CIB4: variants seen among roughly 807,000 people sequenced by gnomAD.
The protein encoded by CIB4 is calcium and integrin binding family member 4.
CIB4 carries 25 observed loss-of-function variants against 25.8 expected under a neutral mutation model. The observed-to-expected ratio is 0.97, with a 90% CI of 0.71 to 1.35. The LOEUF (loss-of-function observed/expected upper bound fraction) is 1.35, where lower values mean the gene tolerates loss of function less well. CIB4 is among the 40% of genes most tolerant of loss of function. CIB4 has a pLI of 0.00. For missense variants in CIB4, 235 were observed against 228.2 expected (o/e 1.03, Z -0.19); for synonymous variants, 75 against 81.4 (o/e 0.92, Z 0.42).
intron 3 of CIB4, among the ~76,000 whole-genome samples, chr2:26,614,836 G>A (rs1669061009): frequency 2.0e-5 from 3 of 152,212 alleles, no homozygotes; most frequent in African/African-American, 7.2e-5. Context: ...TCCGGGAAGT[G>A]GAGCAACTTG....
intron 3 of CIB4, among the ~76,000 whole-genome samples, chr2:26,619,303 G>C (rs1041423844): frequency 5.1e-4 from 77 of 152,194 alleles, no homozygotes; most frequent in African/African-American, 1.8e-3. Flanking sequence ...TCCCAGCGTG[G>C]AGACCGGAAG....
intron 3 of CIB4, among the ~76,000 whole-genome samples, chr2:26,602,257 T>A (rs950014489): frequency 1.3e-5 from 2 of 152,156 alleles, no homozygotes. Flanking sequence ...CCAAGTAACT[T>A]TGAAAGGTGG....
At chr2:26,596,246 G>C (rs140816657) in intron 3 of CIB4, among the ~76,000 whole-genome samples, 225 of 152,290 alleles carry the variant, frequency 1.5e-3, no homozygotes, top group African/African-American at 4.1e-3. Flanking sequence ...CATTGCTGGG[G>C]AAAAGTGAAG....
At chr2:26,633,709 C>G (rs1001069671) in intron 2 of CIB4, among the ~76,000 whole-genome samples, 2 of 152,208 alleles carry the variant, frequency 1.3e-5, no homozygotes, top group African/African-American at 4.8e-5. Context: ...AAGTCAAAGC[C>G]ATTTGAAAAA....
rs61226682 is a variant in CIB4 at position 26,620,628 on chromosome 2, A to G, written c.186+8782T>C. ...CTCTCCATTTTTCTAGAGAATCCTC[A>G]AAATGACCCCTCAGATCGCCCTTCA... On this transcript the variant is annotated intron_variant, in intron 3 of 6. Transcript: ENST00000288861. Among the ~76,000 whole-genome samples, 1,426 of 152,316 alleles carry G rather than the reference A, an allele frequency of 9.4e-3. 19 individuals carry two copies. Among genetic ancestry groups the G allele is most frequent in the African/African-American group, 0.033 (1,366 of 41,566 alleles).
chr2:26,587,470 C>T (rs1478655279), intron 4 of CIB4, among the ~76,000 whole-genome samples: 1 of 152,126 alleles, frequency 6.6e-6, no homozygotes, highest in Non-Finnish European at 1.5e-5. Flanking sequence ...AATCCTAATT[C>T]ATTATCTGAG....
intron 3 of CIB4, among the ~76,000 whole-genome samples, chr2:26,611,343 G>T (rs571596291): frequency 1.1e-4 from 16 of 152,348 alleles, no homozygotes; most frequent in African/African-American, 2.6e-4. Context: ...ATAACACAGG[G>T]TAGAGCTGCC....
intron 2 of CIB4, among the ~76,000 whole-genome samples, chr2:26,630,077 GTCTTCCTAA>G (rs900533005): frequency 3.9e-5 from 6 of 152,184 alleles, no homozygotes; most frequent in African/African-American, 1.4e-4. Flanking sequence ...GGACTGACTG[GTCTTCCTAA>G]TCATCCCTGT....
chr2:26,589,736 T>C (rs1457898605), intron 4 of CIB4, among the ~76,000 whole-genome samples: 1 of 152,146 alleles, frequency 6.6e-6, no homozygotes, highest in Non-Finnish European at 1.5e-5. Context: ...ATGTTTTAAG[T>C]CTCCTTTGCA....
intron 3 of CIB4, among the ~76,000 whole-genome samples, chr2:26,601,962 CT>C (rs1668800447): frequency 1.3e-5 from 2 of 152,312 alleles, no homozygotes; most frequent in South Asian, 4.1e-4. Flanking sequence ...CAGATCATAG[CT>C]GTCAGTGGTT....
intron 3 of CIB4, among the ~76,000 whole-genome samples, chr2:26,610,198 C>T (rs1668972658): frequency 6.6e-6 from 1 of 152,188 alleles, no homozygotes; most frequent in Admixed American, 6.5e-5. Flanking sequence ...CGCTGGGAAC[C>T]ATGTTCCCTG....
chr2:26,621,039 T>C (rs1233387356), intron 3 of CIB4, among the ~76,000 whole-genome samples: 1 of 151,414 alleles, frequency 6.6e-6, no homozygotes, highest in Non-Finnish European at 1.5e-5. Context: ...CATCAGAATA[T>C]TAAAGTTCCA....
chr2:26,640,705 G>A, intron 1 of CIB4, 138 bp from the exon 2 acceptor site: 1 of 832,944 alleles, frequency 1.2e-6, no homozygotes. Context: ...AGGTTGAGGT[G>A]GATGCCTGAG....
In CIB4 at chr2:26,609,149, T is replaced by C. The variant is rs560877107; in HGVS notation, c.187-13832A>G. On this transcript the variant is annotated intron_variant, in intron 3 of 6. Transcript: ENST00000288861. Reference sequence around the variant, plus strand: ...GACGGTAATGAGAAAAAGATTATTATTGACACTAAAACAACTGGTGTGGGG... The same window carrying C: ...GACGGTAATGAGAAAAAGATTATTACTGACACTAAAACAACTGGTGTGGGG... Among the ~76,000 whole-genome samples, 6 of 152,348 alleles carry C rather than the reference T, an allele frequency of 3.9e-5. No homozygotes were observed. The South Asian group carries it at 1.0e-3, about 26-fold the overall frequency.
chr2:26,619,756 A>C (rs1393438213), intron 3 of CIB4, among the ~76,000 whole-genome samples: 2 of 151,878 alleles, frequency 1.3e-5, no homozygotes, highest in African/African-American at 4.8e-5. Flanking sequence ...TCCATCCCGG[A>C]ATCCCCTACA....
Position 26,583,809 on chromosome 2 carries a change from G to A in CIB4, c.418C>T (p.Leu140=). 4 of 1,610,812 alleles carry A rather than the reference G, an allele frequency of 2.5e-6. No individual in the cohort carries two copies. Among genetic ancestry groups the A allele is most frequent in the South Asian group, 2.2e-5 (2 of 90,968 alleles). Residue 140 remains leucine (L), a synonymous_variant, in exon 5 of 7, where the codon CTG becomes TTG. Transcript: ENST00000288861. The part of the protein sequence containing the change: ...LNSDDMSEDL[L]MDLTNHVLSE... ...CACACGTGGTTCGTGAGGTCCATCA[G>A]GAGGTCCTCAGACATGTCATCACTG...
chr2:26,585,449 C>T (rs532637197), intron 4 of CIB4, among the ~76,000 whole-genome samples: 8 of 152,160 alleles, frequency 5.3e-5, no homozygotes, highest in South Asian at 2.1e-4. Flanking sequence ...AGGTGATGTC[C>T]GGCCTTCTCA....
At chr2:26,586,389 T>C (rs959171938) in intron 4 of CIB4, among the ~76,000 whole-genome samples, 1 of 152,232 alleles carries the variant, frequency 6.6e-6, no homozygotes, top group Non-Finnish European at 1.5e-5. Context: ...CGGCTCCTCC[T>C]AGGGCATCAC....
chr2:26,628,711 TCTCTGGGCCCCGAGCCCTGCTC>T (rs1199797317), intron 3 of CIB4, among the ~76,000 whole-genome samples: 9 of 152,142 alleles, frequency 5.9e-5, no homozygotes, highest in Non-Finnish European at 1.5e-5. Flanking sequence ...GGGAGGACAG[TCTCTGGGCCCCGAGCCCTGCTC>T]CTCCTGTCTT....
Sources: gnomAD v4.1 joint callset for allele counts (sites outside exome capture counted in the v4.1 genomes callset) on GRCh38, gnomAD v4.1.1 for gene constraint, MANE v1.5 for transcripts, NCBI Gene and HGNC (gene_info 2026-07-23, HGNC 2026-07-21) for gene names.